The following KRABD5 variants were observed in gnomAD, a reference collection of about 807,000 sequenced individuals.
KRABD5 encodes the protein KRAB domain-containing protein 5.
At chr16:31,714,774 G>A in the KRABD5 span, among the ~76,000 whole-genome samples, 1 of 152,304 alleles carries the variant, frequency 6.6e-6, no homozygotes, top group Admixed American at 6.5e-5. Flanking sequence ...GCAGAGTTCT[G>A]GAAAGCAGGG....
chr16:31,727,841 ATCCT>A, the KRABD5 span, among the ~76,000 whole-genome samples: 1 of 151,922 alleles, frequency 6.6e-6, no homozygotes, highest in Non-Finnish European at 1.5e-5. Context: ...GTAATGACTC[ATCCT>A]TCTTTCTTTT....
chr16:31,723,563 T>C, the KRABD5 span, among the ~76,000 whole-genome samples: 1 of 152,226 alleles, frequency 6.6e-6, no homozygotes, highest in African/African-American at 2.4e-5. Flanking sequence ...CCTTCTGTGA[T>C]CCACCATCAA....
the KRABD5 span, among the ~76,000 whole-genome samples, chr16:31,743,385 T>C: frequency 1.3e-5 from 2 of 152,216 alleles, no homozygotes; most frequent in African/African-American, 4.8e-5. Flanking sequence ...GGGAATCCTT[T>C]CCCCATTGCT....
chr16:31,749,670 T>A, the KRABD5 span, among the ~76,000 whole-genome samples: 35 of 152,272 alleles, frequency 2.3e-4, no homozygotes, highest in South Asian at 2.1e-3. Flanking sequence ...ACTCACACAC[T>A]GACTCCTCTG....
At chr16:31,743,880 A>G in the KRABD5 span, among the ~76,000 whole-genome samples, 2 of 152,206 alleles carry the variant, frequency 1.3e-5, no homozygotes, top group East Asian at 3.9e-4. Context: ...TTCTGTTTGT[A>G]GCAATTGTGA....
chr16:31,754,574 C>G, the KRABD5 span: 1 of 505,026 alleles, frequency 2.0e-6, no homozygotes, highest in Non-Finnish European at 3.9e-6. Flanking sequence ...GAAAGCCTTT[C>G]ATGAATGCAC....
chr16:31,758,756 AAGAGC>A, the KRABD5 span: 1 of 151,914 alleles, frequency 6.6e-6, no homozygotes, highest in East Asian at 1.9e-4. Flanking sequence ...CCTGGGCGAC[AAGAGC>A]AGAACTCTGT....
the KRABD5 span, chr16:31,756,739 C>T: frequency 2.0e-5 from 3 of 152,156 alleles, no homozygotes; most frequent in Non-Finnish European, 4.4e-5. Flanking sequence ...TTTCTTTGCA[C>T]ATGCCCTTTT....
chr16:31,729,120 A>G, the KRABD5 span, among the ~76,000 whole-genome samples: 2 of 152,132 alleles, frequency 1.3e-5, no homozygotes, highest in Non-Finnish European at 2.9e-5. Flanking sequence ...TTTGTTTATC[A>G]TTTGTATGGA....
chr16:31,721,650 C>G, the KRABD5 span, among the ~76,000 whole-genome samples: 1 of 152,100 alleles, frequency 6.6e-6, no homozygotes, highest in Non-Finnish European at 1.5e-5. Flanking sequence ...TGAAAAACTG[C>G]TAGGATGACA....
chr16:31,736,517 C>T, the KRABD5 span, among the ~76,000 whole-genome samples: 26 of 128,468 alleles, frequency 2.0e-4, no homozygotes, highest in Non-Finnish European at 2.7e-4. Flanking sequence ...TAATAATATT[C>T]TTTTTTTTTT....
chr16:31,720,172 T>C, the KRABD5 span, among the ~76,000 whole-genome samples: 2 of 152,250 alleles, frequency 1.3e-5, no homozygotes, highest in African/African-American at 4.8e-5. Flanking sequence ...TCCATGCTGT[T>C]TTCCAAATGC....
At chr16:31,716,095 G>A in the KRABD5 span, among the ~76,000 whole-genome samples, 126 of 152,240 alleles carry the variant, frequency 8.3e-4, no homozygotes, top group African/African-American at 2.9e-3. Context: ...TGTGCCCATA[G>A]CACCTTTGCT....
the KRABD5 span, among the ~76,000 whole-genome samples, chr16:31,750,133 A>G: frequency 6.6e-6 from 1 of 152,068 alleles, no homozygotes; most frequent in African/African-American, 2.4e-5. Context: ...TTTGGGCAGT[A>G]TGGCCATTTT....
At chr16:31,739,315 C>G in the KRABD5 span, among the ~76,000 whole-genome samples, 12 of 152,068 alleles carry the variant, frequency 7.9e-5, no homozygotes, top group African/African-American at 2.9e-4. Flanking sequence ...ATAGTTTTGG[C>G]AGAAAACATT....
At chr16:31,714,643 T>C in the KRABD5 span, among the ~76,000 whole-genome samples, 2 of 152,184 alleles carry the variant, frequency 1.3e-5, no homozygotes, top group Admixed American at 1.3e-4. Flanking sequence ...CTCAGTCTTA[T>C]TTGAGCCTGC....
chr16:31,755,323 CT>C, the KRABD5 span: 2 of 506,372 alleles, frequency 3.9e-6, no homozygotes, highest in Non-Finnish European at 8.1e-6. Flanking sequence ...GTGGCAAAGC[CT>C]TTAATTGTAG....
chr16:31,751,538 C>T, the KRABD5 span, among the ~76,000 whole-genome samples: 1 of 152,104 alleles, frequency 6.6e-6, no homozygotes, highest in African/African-American at 2.4e-5. Context: ...GGAATTTATC[C>T]ATTTCCTCTA....
the KRABD5 span, among the ~76,000 whole-genome samples, chr16:31,730,861 G>A: frequency 6.6e-6 from 1 of 151,568 alleles, no homozygotes; most frequent in Non-Finnish European, 1.5e-5. Flanking sequence ...GTTCGCTTTA[G>A]TTCCAAGATT....
Sources: gnomAD v4.1 joint callset for allele counts (sites outside exome capture counted in the v4.1 genomes callset) on GRCh38, gnomAD v4.1.1 for gene constraint, MANE v1.5 for transcripts, NCBI Gene and HGNC (gene_info 2026-07-23, HGNC 2026-07-21) for gene names.